Variants in PAK1 observed in about 807,000 individuals in gnomAD.
PAK1 encodes the protein serine/threonine-protein kinase PAK 1.
In PAK1, 29 loss-of-function variants were observed where a neutral mutation model predicts 67.4. The observed-to-expected ratio is 0.43, with a 90% CI of 0.32 to 0.59. PAK1 has a LOEUF of 0.59. Among genes scored for constraint, PAK1 ranks in the 20% least tolerant of loss-of-function variants. The pLI, the probability that PAK1 is intolerant of heterozygous loss-of-function variation, is 0.07. For synonymous variants in PAK1, 223 were observed against 237.4 expected, an observed-to-expected ratio of 0.94 and a Z score of 0.56; for missense variants, 337 against 670.7, an observed-to-expected ratio of 0.50 and a Z score of 5.50.
chr11:77,521,807 G>A, the PAK1 span, among the ~76,000 whole-genome samples: 1 of 152,164 alleles, frequency 6.6e-6, no homozygotes, highest in Admixed American at 6.5e-5. Flanking sequence ...CAGGATAATT[G>A]CTCAGAACTA....
intron 1 of PAK1, among the ~76,000 whole-genome samples, chr11:77,449,387 C>A (rs1423709622): frequency 6.6e-6 from 1 of 152,160 alleles, no homozygotes; most frequent in Non-Finnish European, 1.5e-5. Context: ...ACTATCTGTT[C>A]TCATGTTAAT....
chr11:77,368,708 G>A (rs146841490), intron 5 of PAK1, among the ~76,000 whole-genome samples: 2 of 152,256 alleles, frequency 1.3e-5, no homozygotes, highest in African/African-American at 4.8e-5. Flanking sequence ...CCAGGCTGGA[G>A]TGCAGTGGCA....
intron 1 of PAK1, among the ~76,000 whole-genome samples, chr11:77,425,238 C>G (rs988089543): frequency 6.6e-6 from 1 of 151,182 alleles, no homozygotes; most frequent in Non-Finnish European, 1.5e-5. Context: ...TTAAGGACTC[C>G]TGGATTCCAA....
At chr11:77,524,238 T>C in the PAK1 span, among the ~76,000 whole-genome samples, 1 of 152,238 alleles carries the variant, frequency 6.6e-6, no homozygotes, top group Admixed American at 6.5e-5. Flanking sequence ...CCCATAACCA[T>C]GCCTGCCTCA....
At chr11:77,522,369 C>G in the PAK1 span, among the ~76,000 whole-genome samples, 1 of 152,164 alleles carries the variant, frequency 6.6e-6, no homozygotes. Flanking sequence ...TCCCAAGGAG[C>G]TTTTCTTAGT....
chr11:77,357,906 T>C (rs1290808607), intron 6 of PAK1, among the ~76,000 whole-genome samples: 1 of 152,128 alleles, frequency 6.6e-6, no homozygotes, highest in Non-Finnish European at 1.5e-5. Context: ...AAAAAAATGT[T>C]TTAAATGAAC....
At chr11:77,326,464 T>A (rs1939894697) in intron 14 of PAK1, among the ~76,000 whole-genome samples, 1 of 152,146 alleles carries the variant, frequency 6.6e-6, no homozygotes, top group East Asian at 1.9e-4. Flanking sequence ...TTTGGGAGAC[T>A]GTGGTGGGCA....
intron 1 of PAK1, among the ~76,000 whole-genome samples, chr11:77,399,838 G>T (rs1209424564): frequency 1.0e-5 from 1 of 95,394 alleles, no homozygotes; most frequent in Non-Finnish European, 1.9e-5. Context: ...CAGCCTGGGC[G>T]ACAGAGCGAG....
intron 1 of PAK1, among the ~76,000 whole-genome samples, chr11:77,420,976 T>C (rs1191025976): frequency 6.6e-6 from 1 of 152,234 alleles, no homozygotes; most frequent in African/African-American, 2.4e-5. Context: ...ACATCCTTTT[T>C]AACTGATCCA....
At chr11:77,409,115 T>A (rs1954105094) in intron 1 of PAK1, among the ~76,000 whole-genome samples, 1 of 152,064 alleles carries the variant, frequency 6.6e-6, no homozygotes, top group Admixed American at 6.5e-5. Flanking sequence ...AAAAAAATTT[T>A]TTTTTTATTA....
At chr11:77,514,064 GCCATGATTTGAAC>G in the PAK1 span, among the ~76,000 whole-genome samples, 27 of 152,314 alleles carry the variant, frequency 1.8e-4, no homozygotes, top group African/African-American at 5.8e-4. Flanking sequence ...GAATGGTAGA[GCCATGATTTGAAC>G]CCATAATTTG....
intron 1 of PAK1, among the ~76,000 whole-genome samples, chr11:77,447,789 G>T (rs1956684336): frequency 6.6e-6 from 1 of 152,080 alleles, no homozygotes; most frequent in African/African-American, 2.4e-5. Context: ...GCCTCCCAAA[G>T]TGCTGGGATT....
At chr11:77,373,865 C>T (rs573028640) in intron 5 of PAK1, among the ~76,000 whole-genome samples, 31 of 152,264 alleles carry the variant, frequency 2.0e-4, no homozygotes, top group Non-Finnish European at 3.7e-4. Flanking sequence ...TTTGCAGACT[C>T]CATAGACCAA....
chr11:77,483,618 C>T, the PAK1 span, among the ~76,000 whole-genome samples: 1 of 152,194 alleles, frequency 6.6e-6, no homozygotes, highest in African/African-American at 2.4e-5. Context: ...AATTGCATTG[C>T]AGTGATCTTC....
chr11:77,366,786 T>A (rs1947646256), intron 5 of PAK1, among the ~76,000 whole-genome samples: 2 of 152,246 alleles, frequency 1.3e-5, no homozygotes, highest in Admixed American at 1.3e-4. Context: ...GAAAAAAGTC[T>A]GGCAGTTCCT....
intron 14 of PAK1, among the ~76,000 whole-genome samples, chr11:77,328,960 C>T (rs562758823): frequency 3.9e-5 from 6 of 152,208 alleles, no homozygotes; most frequent in East Asian, 3.9e-4. Context: ...AGATCACCAC[C>T]GATCCCACAG....
At chr11:77,462,065 G>A (rs1410436182) in intron 1 of PAK1, among the ~76,000 whole-genome samples, 4 of 152,240 alleles carry the variant, frequency 2.6e-5, no homozygotes, top group African/African-American at 7.2e-5. Flanking sequence ...TGTGGCTCAC[G>A]CCTGTAATCC....
chr11:77,349,366 A>T, intron 8 of PAK1, 79 bp from the exon 9 acceptor site: 20 of 1,078,822 alleles, frequency 1.9e-5, no homozygotes, highest in Non-Finnish European at 2.4e-5. Context: ...GCAGTTCTAC[A>T]CACAATCTGT....
At chr11:77,526,813 G>A in the PAK1 span, among the ~76,000 whole-genome samples, 2 of 152,022 alleles carry the variant, frequency 1.3e-5, no homozygotes, top group Admixed American at 6.6e-5. Context: ...CTACTCAGGA[G>A]GCTGAGGCAG....
Sources: allele counts gnomAD v4.1 joint callset (sites outside exome capture counted in the v4.1 genomes callset), GRCh38; gene constraint gnomAD v4.1.1; transcripts MANE v1.5; gene names NCBI Gene and HGNC (gene_info 2026-07-23, HGNC 2026-07-21).